The following PCNT variants were observed in gnomAD, a reference collection of about 807,000 sequenced individuals.
PCNT encodes pericentrin, also known as kendrin.
PCNT carries 319 observed loss-of-function variants against 380.4 expected under a neutral mutation model. The ratio of observed to expected loss-of-function variants is 0.84; its 90% confidence interval spans 0.77 to 0.92. The LOEUF (loss-of-function observed/expected upper bound fraction) is 0.92, where lower values mean the gene tolerates loss of function less well. PCNT is among the 40% of genes least tolerant of loss of function. The probability of loss-of-function intolerance (pLI) is 0.00; values close to 1 mark genes in which losing one functional copy is unlikely to be tolerated. For missense variants in PCNT, 4,400 were observed against 4,255.3 expected (o/e 1.03, Z -0.95); for synonymous variants, 1,845 against 1,735.2 (o/e 1.06, Z -1.57).
chr21:46,417,884 C>G (rs1046927705), intron 30 of PCNT, among the ~76,000 whole-genome samples: 5 of 152,224 alleles, frequency 3.3e-5, no homozygotes, highest in African/African-American at 1.2e-4. Flanking sequence ...GCCTGGGTGA[C>G]AGAGTGAGAC....
chr21:46,344,937 A>G (rs1315182932), intron 3 of PCNT, among the ~76,000 whole-genome samples: 1 of 152,224 alleles, frequency 6.6e-6, no homozygotes, highest in Non-Finnish European at 1.5e-5. Flanking sequence ...TGTTGGTAGC[A>G]TTTGGGTGCA....
intron 16 of PCNT, among the ~76,000 whole-genome samples, chr21:46,385,153 G>A (rs1012813318): frequency 6.6e-6 from 1 of 152,154 alleles, no homozygotes; most frequent in Non-Finnish European, 1.5e-5. Flanking sequence ...CCAGGAATTC[G>A]ATACCAGCCT....
intron 39 of PCNT, among the ~76,000 whole-genome samples, chr21:46,436,488 C>CCCCG: frequency 1.1e-5 from 1 of 87,580 alleles, no homozygotes; most frequent in Non-Finnish European, 2.9e-5. Flanking sequence ...CCCCCCCCCC[C>CCCCG]GCTGGCACTG....
chr21:46,348,511 A>T (rs982275021), intron 6 of PCNT, among the ~76,000 whole-genome samples: 8 of 151,986 alleles, frequency 5.3e-5, no homozygotes, highest in Admixed American at 5.2e-4. Flanking sequence ...CTTTTCCTCA[A>T]CTGCTTGCCT....
chr21:46,327,385 G>A, intron 2 of PCNT, among the ~76,000 whole-genome samples: 1 of 133,778 alleles, frequency 7.5e-6, no homozygotes, highest in African/African-American at 2.6e-5. Context: ...ATAAATTTGG[G>A]TTTTCTTTTT....
chr21:46,444,050 C>G, intron 45 of PCNT, 102 bp downstream of exon 45: 2 of 1,282,894 alleles, frequency 1.6e-6, no homozygotes, highest in Non-Finnish European at 2.1e-6. Context: ...TTGGCCCAGC[C>G]CAGGGCAAGG....
chr21:46,436,208 C>T, intron 39 of PCNT, 60 bp downstream of exon 39: 5 of 1,591,114 alleles, frequency 3.1e-6, no homozygotes, highest in Non-Finnish European at 4.3e-6. Flanking sequence ...CTGTCCCAGA[C>T]CCGGCCCGAG....
intron 3 of PCNT, among the ~76,000 whole-genome samples, chr21:46,337,520 C>T (rs2083786732): frequency 6.6e-6 from 1 of 152,330 alleles, no homozygotes; most frequent in South Asian, 2.1e-4. Context: ...GTTCATTGGT[C>T]ACTGGCTACT....
Position 46,440,993 on chromosome 21 carries a change from G to T in PCNT, c.9532G>T (p.Gly3178Trp). Reference sequence around the variant, plus strand: ...AACACTCTCCATGATTGCCCATTTGGGGGTATTTCCTTCCAAAGCAGAACG... The same window carrying T: ...AACACTCTCCATGATTGCCCATTTGTGGGTATTTCCTTCCAAAGCAGAACG... ...QETLSMIAHLGVFPSKAERKI... is the reference protein window; with the variant it reads ...QETLSMIAHLWVFPSKAERKI... Residue 3178 changes from glycine (G) to tryptophan (W), a missense_variant, in exon 43 of 47, where the codon GGG becomes TGG. Physicochemically the swap from Gly to Trp is radical, Grantham distance 184. Coordinates refer to ENST00000359568, the MANE Select transcript of PCNT (RefSeq NM_006031.6). The T allele has an allele frequency of 5.6e-6, 9 of 1,613,984 alleles. No homozygotes were observed. The highest frequency in any genetic ancestry group is 1.7e-5 in the Admixed American group (1 of 60,022).
intron 11 of PCNT, among the ~76,000 whole-genome samples, chr21:46,354,340 G>C (rs984973360): frequency 6.6e-6 from 1 of 152,248 alleles, no homozygotes; most frequent in Non-Finnish European, 1.5e-5. Context: ...CCTGCAGTGG[G>C]CTGCATTCGT....
chr21:46,366,214 G>A (rs2084924031), intron 14 of PCNT, among the ~76,000 whole-genome samples: 1 of 152,216 alleles, frequency 6.6e-6, no homozygotes, highest in Admixed American at 6.5e-5. Context: ...TGGGATTCTT[G>A]GTTGGATGCT....
intron 27 of PCNT, among the ~76,000 whole-genome samples, chr21:46,403,722 G>A (rs569828665): frequency 8.8e-5 from 13 of 147,286 alleles, no homozygotes; most frequent in African/African-American, 2.8e-4. Flanking sequence ...TGAACACAGC[G>A]TGGGAGAATA....
rs758298374 is a variant in PCNT, at chr21:46,431,571, C to G, written c.8107C>G (p.Arg2703Gly). 6.2e-7 allele frequency: 1 copy of G among 1,613,908 alleles called. No homozygotes were observed. The highest frequency in any genetic ancestry group is 1.3e-5 in the African/African-American group (1 of 74,934). The part of the protein sequence containing the change: ...SLETQRAQSS[R>G]LCVALKHEQT... ...GGAGACACAGCGTGCTCAGAGCAGTCGACTCTGCGTGGCACTGAAACACGA... is the reference window on the plus strand; with the variant it reads ...GGAGACACAGCGTGCTCAGAGCAGTGGACTCTGCGTGGCACTGAAACACGA... Residue 2703 changes from arginine (R) to glycine (G), a missense_variant, in exon 38 of 47, where the codon CGA becomes GGA. Transcript: ENST00000359568.
At chr21:46,429,329 T>G (rs1601180539) in intron 35 of PCNT, among the ~76,000 whole-genome samples, 13 of 41,620 alleles carry the variant, frequency 3.1e-4, no homozygotes, top group Non-Finnish European at 3.9e-4. Context: ...GTGAGAGGCA[T>G]GGGGGGGCTG....
chr21:46,437,673 T>G (rs572993863), intron 40 of PCNT, among the ~76,000 whole-genome samples: 1 of 152,240 alleles, frequency 6.6e-6, no homozygotes, highest in Non-Finnish European at 1.5e-5. Context: ...ATCATGACTT[T>G]GATCGTGGAG....
At chr21:46,418,718 C>T (rs2087127023) in intron 31 of PCNT, among the ~76,000 whole-genome samples, 1 of 152,262 alleles carries the variant, frequency 6.6e-6, no homozygotes, top group African/African-American at 2.4e-5. Flanking sequence ...TGCTGCCTTG[C>T]CTGCCCACCC....
intron 1 of PCNT, among the ~76,000 whole-genome samples, chr21:46,325,462 G>T (rs28665476): frequency 3.1e-4 from 47 of 152,180 alleles, no homozygotes; most frequent in African/African-American, 9.7e-4. Context: ...GCTATATCCC[G>T]ACATGGATAG....
At chr21:46,414,023 G>A (rs1302350627) in intron 29 of PCNT, among the ~76,000 whole-genome samples, 1 of 145,088 alleles carries the variant, frequency 6.9e-6, no homozygotes, top group Non-Finnish European at 1.5e-5. Context: ...ACAGAGTCTT[G>A]CTCTGTCGCC....
intron 30 of PCNT, among the ~76,000 whole-genome samples, chr21:46,417,184 CTTTTTTTT>C (rs71318076): frequency 1.1e-4 from 8 of 73,344 alleles, no homozygotes; most frequent in South Asian, 6.5e-4. Flanking sequence ...GGAATGCTTC[CTTTTTTTT>C]TTTTTTTTTT....
Sources: gnomAD v4.1 joint callset for allele counts (sites outside exome capture counted in the v4.1 genomes callset) on GRCh38, gnomAD v4.1.1 for gene constraint, MANE v1.5 for transcripts, NCBI Gene and HGNC (gene_info 2026-07-23, HGNC 2026-07-21) for gene names.